Variants in ATG5 observed in about 807,000 individuals in gnomAD.
ATG5 encodes autophagy protein 5.
In ATG5, 14 loss-of-function variants were observed where a neutral mutation model predicts 36.5. The observed-to-expected ratio is 0.38, with a 90% CI of 0.25 to 0.60. ATG5 has a LOEUF of 0.60. Among genes scored for constraint, ATG5 ranks in the 20% least tolerant of loss-of-function variants. ATG5 has a pLI of 0.60. For synonymous variants in ATG5, 95 were observed against 101.5 expected (o/e 0.94, Z 0.38); for missense variants, 195 against 326.7 (o/e 0.60, Z 3.11).
At chr6:106,214,300 A>G (rs1328762544) in intron 6 of ATG5, among the ~76,000 whole-genome samples, 1 of 152,174 alleles carries the variant, frequency 6.6e-6, no homozygotes, top group East Asian at 1.9e-4. Flanking sequence ...TTTTGGTGGT[A>G]GAAAGAGGGG....
chr6:106,311,172 A>C (rs1271291699), intron 2 of ATG5, among the ~76,000 whole-genome samples: 2 of 152,108 alleles, frequency 1.3e-5, no homozygotes, highest in Non-Finnish European at 1.5e-5. Context: ...ATTCTGTTCC[A>C]CTCCAATGTG....
rs1291905546 is a variant in ATG5 at position 106,245,626 on chromosome 6, G to GTC, written c.573+2522_573+2523dup. 4.3e-3 allele frequency among the ~76,000 whole-genome samples: 660 copies of GTC among 152,052 alleles called. 5 individuals carry two copies. Among genetic ancestry groups the GTC allele is most frequent in the African/African-American group, 0.015 (617 of 41,492 alleles). Reference sequence around the variant, plus strand: ...CTCACTCAAGCATGCTCAGTACTCTGTCTCTCTCTCTCCGGTTATGCAGAA... The same window carrying GTC: ...CTCACTCAAGCATGCTCAGTACTCTGTCTCTCTCTCTCTCCGGTTATGCAGAA... On this transcript the variant is annotated intron_variant, in intron 6 of 7. Transcript: ENST00000369076.
At chr6:106,224,497 CAGA>C (rs750095786) in intron 6 of ATG5, among the ~76,000 whole-genome samples, 19 of 152,142 alleles carry the variant, frequency 1.2e-4, no homozygotes, top group Admixed American at 9.8e-4. Context: ...GACACTGAAA[CAGA>C]AGAAGTAGAT....
intron 6 of ATG5, among the ~76,000 whole-genome samples, chr6:106,243,825 C>T (rs1778222096): frequency 6.7e-6 from 1 of 149,240 alleles, no homozygotes; most frequent in Admixed American, 6.7e-5. Context: ...AGCAAGACTT[C>T]ATCTCAAAAT....
intron 1 of ATG5, among the ~76,000 whole-genome samples, chr6:106,324,714 G>C (rs947430658): frequency 6.6e-6 from 1 of 152,168 alleles, no homozygotes; most frequent in African/African-American, 2.4e-5. Context: ...TATCTTTGAA[G>C]ATAAAAGCAC....
intron 5 of ATG5, among the ~76,000 whole-genome samples, chr6:106,267,553 C>A (rs1326870489): frequency 1.3e-5 from 2 of 152,086 alleles, no homozygotes; most frequent in African/African-American, 4.8e-5. Flanking sequence ...GCAAAAAGAA[C>A]GAAGCTGGAG....
intron 4 of ATG5, among the ~76,000 whole-genome samples, chr6:106,286,957 G>T (rs765509735): frequency 6.6e-6 from 1 of 152,200 alleles, no homozygotes; most frequent in Admixed American, 6.5e-5. Flanking sequence ...CTAGGCAGAA[G>T]ATCCAGGTAT....
At chr6:106,303,151 G>A (rs370261002) in intron 3 of ATG5, among the ~76,000 whole-genome samples, 1 of 151,870 alleles carries the variant, frequency 6.6e-6, no homozygotes, top group African/African-American at 2.4e-5. Context: ...TTAAAAAGGA[G>A]AGAAAAATCC....
At position 106,186,632 on chromosome 6, in the gene ATG5, T is replaced by C. The variant is rs1177100869; in HGVS notation, c.736A>G (p.Met246Val). 10 of 1,613,704 alleles carry C rather than the reference T, an allele frequency of 6.2e-6. No individual in the cohort carries two copies. In the African/African-American group the frequency reaches 6.7e-5, roughly 11 times the overall value. Residue 246 changes from methionine to valine, a missense_variant, in exon 8 of 8, where the codon ATG becomes GTG. Transcript: ENST00000369076. ...NQVMIHGIEP[M>V]LETPLQWLSE... ...AGCCACTGCAGAGGTGTTTCCAACATTGGCTCAATTCCATGAATCATCACT... is the reference window on the plus strand; with the variant it reads ...AGCCACTGCAGAGGTGTTTCCAACACTGGCTCAATTCCATGAATCATCACT...
intron 7 of ATG5, among the ~76,000 whole-genome samples, chr6:106,188,139 T>C (rs149292022): frequency 2.6e-3 from 390 of 152,284 alleles, no homozygotes; most frequent in African/African-American, 8.8e-3. Flanking sequence ...CAGAATACTA[T>C]AGAAAGCATA....
chr6:106,231,139 C>T (rs1307203881), intron 6 of ATG5, among the ~76,000 whole-genome samples: 1 of 152,116 alleles, frequency 6.6e-6, no homozygotes. Flanking sequence ...GAGGAGAATT[C>T]GGCCCAGCCA....
At chr6:106,308,591 T>C (rs1344504493) in intron 2 of ATG5, 100 bp from the exon 3 acceptor site, 4 of 916,056 alleles carry the variant, frequency 4.4e-6, no homozygotes, top group East Asian at 3.0e-5. Context: ...GCCGTGTTCT[T>C]TGCATTATTT....
intron 6 of ATG5, among the ~76,000 whole-genome samples, chr6:106,233,542 C>G (rs1777772128): frequency 6.6e-6 from 1 of 152,190 alleles, no homozygotes; most frequent in African/African-American, 2.4e-5. Flanking sequence ...GATGAGCTTG[C>G]AACCCATGGC....
chr6:106,280,708 T>G (rs1779845206), intron 4 of ATG5, among the ~76,000 whole-genome samples: 1 of 152,164 alleles, frequency 6.6e-6, no homozygotes, highest in Non-Finnish European at 1.5e-5. Context: ...TGGATTATCT[T>G]ATTTAATCCT....
At chr6:106,261,099 TAG>T (rs1432042050) in intron 5 of ATG5, among the ~76,000 whole-genome samples, 1 of 152,114 alleles carries the variant, frequency 6.6e-6, no homozygotes, top group Non-Finnish European at 1.5e-5. Flanking sequence ...AAGTTTAAAT[TAG>T]AGTTAAAGAG....
chr6:106,225,751 T>C (rs1048589407), intron 6 of ATG5, among the ~76,000 whole-genome samples: 2 of 152,204 alleles, frequency 1.3e-5, no homozygotes, highest in Non-Finnish European at 2.9e-5. Context: ...TCATAGGACA[T>C]TATTTGACTT....
At chr6:106,241,208 T>G (rs1265192225) in intron 6 of ATG5, among the ~76,000 whole-genome samples, 1 of 152,128 alleles carries the variant, frequency 6.6e-6, no homozygotes, top group South Asian at 2.1e-4. Context: ...CCAAACCCAA[T>G]TCAAAAATGG....
intron 4 of ATG5, among the ~76,000 whole-genome samples, chr6:106,281,223 CAT>C (rs1188759457): frequency 9.2e-5 from 14 of 152,158 alleles, no homozygotes. Flanking sequence ...TTATGATTCA[CAT>C]ACAGTGAAAT....
chr6:106,194,197 G>A (rs541643585), intron 7 of ATG5, among the ~76,000 whole-genome samples: 1 of 152,220 alleles, frequency 6.6e-6, no homozygotes, highest in South Asian at 2.1e-4. Context: ...TGTAAAACCC[G>A]CAATCTGATG....
Sources: gnomAD v4.1 joint callset for allele counts (sites outside exome capture counted in the v4.1 genomes callset) on GRCh38, gnomAD v4.1.1 for gene constraint, MANE v1.5 for transcripts, NCBI Gene and HGNC (gene_info 2026-07-23, HGNC 2026-07-21) for gene names.